The following NKAIN2 variants were observed in gnomAD, a reference collection of about 807,000 sequenced individuals.
NKAIN2 encodes the protein sodium/potassium-transporting ATPase subunit beta-1-interacting protein 2.
NKAIN2 carries 14 observed loss-of-function variants against 32.6 expected under a neutral mutation model. The ratio of observed to expected loss-of-function variants is 0.43; its 90% CI spans 0.28 to 0.67. The LOEUF is 0.67. Ranked by LOEUF, NKAIN2 falls within the 30% of genes least tolerant of loss-of-function variation. The probability of loss-of-function intolerance (pLI) is 0.17; values close to 1 mark genes in which losing one functional copy is unlikely to be tolerated. For synonymous variants in NKAIN2, 80 were observed against 87.2 expected (o/e 0.92, Z 0.46); for missense variants, 198 against 258.3 (o/e 0.77, Z 1.60).
intron 1 of NKAIN2, among the ~76,000 whole-genome samples, chr6:124,182,714 C>T (rs555414064): frequency 1.3e-5 from 2 of 152,044 alleles, no homozygotes; most frequent in African/African-American, 2.4e-5. Context: ...AACTAATACA[C>T]CTGATTGAGA....
intron 3 of NKAIN2, among the ~76,000 whole-genome samples, chr6:124,410,434 C>T (rs1041831824): frequency 1.1e-4 from 17 of 152,106 alleles, no homozygotes; most frequent in Admixed American, 4.6e-4. Context: ...TTATTTCTGC[C>T]TTCATTTCGT....
In NKAIN2 at chr6:124,601,023, T is replaced by C. The variant is rs183362922; in HGVS notation, c.274-57163T>C. Among the ~76,000 whole-genome samples, 10 of 152,152 alleles carry C rather than the reference T, an allele frequency of 6.6e-5. No individual in the cohort carries two copies. In the East Asian group the frequency reaches 1.7e-3, roughly 26 times the overall value. ...CAGGTGCTATTTTTTAAGTCTCCAT[T>C]GAGTTTCAGTTTGAAGGACAAAATT... On this transcript the variant is annotated intron_variant, in intron 3 of 6. Coordinates refer to ENST00000368417, the MANE Select transcript of NKAIN2 (RefSeq NM_001040214.3).
intron 4 of NKAIN2, among the ~76,000 whole-genome samples, chr6:124,706,581 G>A (rs1417986361): frequency 6.6e-6 from 1 of 152,124 alleles, no homozygotes; most frequent in African/African-American, 2.4e-5. Flanking sequence ...TGAATAAACT[G>A]AGAAGTTCCA....
chr6:124,279,877 T>A (rs1055756626), intron 1 of NKAIN2, among the ~76,000 whole-genome samples: 1 of 152,176 alleles, frequency 6.6e-6, no homozygotes. Flanking sequence ...TGATAAAGAT[T>A]AGTCACTATT....
chr6:124,409,172 G>T (rs550483442), intron 3 of NKAIN2, among the ~76,000 whole-genome samples: 1 of 152,224 alleles, frequency 6.6e-6, no homozygotes, highest in Non-Finnish European at 1.5e-5. Context: ...TTTCCTAACT[G>T]AATGCCGTTT....
chr6:123,972,089 T>G (rs1778370857), intron 1 of NKAIN2, among the ~76,000 whole-genome samples: 1 of 152,198 alleles, frequency 6.6e-6, no homozygotes, highest in African/African-American at 2.4e-5. Flanking sequence ...GTAAATATAT[T>G]TTCTCTTTCT....
intron 3 of NKAIN2, among the ~76,000 whole-genome samples, chr6:124,593,367 G>A (rs1331577727): frequency 4.6e-5 from 7 of 152,058 alleles, no homozygotes; most frequent in Non-Finnish European, 1.0e-4. Flanking sequence ...CATCTGGCTG[G>A]ACCGCTATGC....
At chr6:124,095,168 C>G (rs1440417553) in intron 1 of NKAIN2, among the ~76,000 whole-genome samples, 2 of 152,118 alleles carry the variant, frequency 1.3e-5, no homozygotes, top group Non-Finnish European at 2.9e-5. Flanking sequence ...CCATGAAAAA[C>G]TGAGTCATAA....
At chr6:124,781,221 G>A (rs997794494) in intron 4 of NKAIN2, among the ~76,000 whole-genome samples, 10 of 152,118 alleles carry the variant, frequency 6.6e-5, no homozygotes, top group Non-Finnish European at 1.3e-4. Flanking sequence ...AGGATTTAGG[G>A]TCCATAGGCA....
intron 1 of NKAIN2, among the ~76,000 whole-genome samples, chr6:123,985,345 A>T (rs1475455927): frequency 6.6e-6 from 1 of 152,164 alleles, no homozygotes; most frequent in Non-Finnish European, 1.5e-5. Context: ...GGTTGCAGTG[A>T]GCCAAGATCA....
intron 1 of NKAIN2, among the ~76,000 whole-genome samples, chr6:123,980,305 A>T (rs1456147470): frequency 6.6e-6 from 1 of 152,204 alleles, no homozygotes; most frequent in Non-Finnish European, 1.5e-5. Flanking sequence ...CTAATGAGAT[A>T]TGGAAGGGAC....
At chr6:124,133,604 A>G (rs1024577676) in intron 1 of NKAIN2, among the ~76,000 whole-genome samples, 6 of 152,198 alleles carry the variant, frequency 3.9e-5, no homozygotes, top group Admixed American at 6.5e-5. Flanking sequence ...CAGAAAAAAA[A>G]TTAAATAAAT....
intron 1 of NKAIN2, among the ~76,000 whole-genome samples, chr6:124,268,880 C>G (rs1163258431): frequency 1.3e-5 from 2 of 152,086 alleles, no homozygotes; most frequent in Admixed American, 6.6e-5. Context: ...TAATCTTTCT[C>G]TCTGCCTCAG....
intron 1 of NKAIN2, among the ~76,000 whole-genome samples, chr6:123,900,590 A>C (rs1774532296): frequency 9.7e-6 from 1 of 103,096 alleles, no homozygotes; most frequent in South Asian, 3.5e-4. Flanking sequence ...GACAAACATT[A>C]GTGGTAGAAG....
chr6:124,227,099 A>C (rs984185159), intron 1 of NKAIN2, among the ~76,000 whole-genome samples: 2 of 148,358 alleles, frequency 1.3e-5, no homozygotes, highest in African/African-American at 2.5e-5. Context: ...AAAAAAAAAA[A>C]GAAAAAGTTA....
At chr6:124,700,633 C>T (rs1774731207) in intron 4 of NKAIN2, among the ~76,000 whole-genome samples, 1 of 152,044 alleles carries the variant, frequency 6.6e-6, no homozygotes, top group African/African-American at 2.4e-5. Context: ...GCCCCCAAAA[C>T]AGTTACTAGC....
chr6:124,463,243 C>A (rs1403553056), intron 3 of NKAIN2, among the ~76,000 whole-genome samples: 5 of 151,926 alleles, frequency 3.3e-5, no homozygotes, highest in Non-Finnish European at 2.9e-5. Flanking sequence ...TAAAATAGCC[C>A]AATGAAATAT....
chr6:123,955,590 T>TTTTTATTTTA (rs61369548), intron 1 of NKAIN2, among the ~76,000 whole-genome samples: 20,434 of 136,584 alleles, frequency 0.15, 1,767 homozygotes, highest in Middle Eastern at 0.17. Flanking sequence ...ATTTAAACAT[T>TTTTTATTTTA]TTTTATTTTA....
chr6:123,919,900 G>A (rs1403554764), intron 1 of NKAIN2, among the ~76,000 whole-genome samples: 1 of 152,020 alleles, frequency 6.6e-6, no homozygotes, highest in Non-Finnish European at 1.5e-5. Flanking sequence ...GACTTAATAT[G>A]TTTTTGCTCT....
Sources: gnomAD v4.1 joint callset for allele counts (sites outside exome capture counted in the v4.1 genomes callset) on GRCh38, gnomAD v4.1.1 for gene constraint, MANE v1.5 for transcripts, NCBI Gene and HGNC (gene_info 2026-07-23, HGNC 2026-07-21) for gene names.